The following PBRM1 variants were observed in gnomAD, a reference collection of about 807,000 sequenced individuals.
PBRM1 encodes protein polybromo-1.
A neutral mutation model predicts 194.5 loss-of-function variants in PBRM1; 27 were observed. That is an observed-to-expected ratio of 0.14 (90% CI 0.10 to 0.19). The LOEUF (loss-of-function observed/expected upper bound fraction) is 0.19. Among genes scored for constraint, PBRM1 ranks in the 10% least tolerant of loss-of-function variants. The pLI is 1.00. For synonymous variants in PBRM1, 655 were observed against 693.2 expected, an observed-to-expected ratio of 0.94 and a Z score of 0.87; for missense variants, 1,466 against 2,077.2, an observed-to-expected ratio of 0.71 and a Z score of 5.72.
chr3:52,680,550 A>C (rs2097186422), upstream of PBRM1, among the ~76,000 whole-genome samples: 1 of 152,250 alleles, frequency 6.6e-6, no homozygotes, highest in African/African-American at 2.4e-5. Context: ...CCACTGAATG[A>C]TCTGCTACAG....
At chr3:52,615,512 A>G (rs181594445) in intron 14 of PBRM1, 56 bp from the exon 17 acceptor site, 1 of 1,062,978 alleles carries the variant, frequency 9.4e-7, no homozygotes, top group Non-Finnish European at 1.5e-6. Flanking sequence ...TTAAGGTATA[A>G]AATGCATCCA....
At chr3:52,637,432 G>A (rs1288199162) in intron 10 of PBRM1, among the ~76,000 whole-genome samples, 2 of 152,054 alleles carry the variant, frequency 1.3e-5, no homozygotes, top group East Asian at 1.9e-4. Flanking sequence ...AGGCGTTTGA[G>A]ACCAGTATGG....
At chr3:52,604,016 C>T (rs1020656882) in intron 16 of PBRM1, among the ~76,000 whole-genome samples, 7 of 152,172 alleles carry the variant, frequency 4.6e-5, no homozygotes, top group African/African-American at 7.2e-5. Flanking sequence ...ATATGGCACA[C>T]GCATCAATCG....
chr3:52,670,893 T>C (rs2096932646), intron 2 of PBRM1, among the ~76,000 whole-genome samples: 1 of 152,186 alleles, frequency 6.6e-6, no homozygotes, highest in African/African-American at 2.4e-5. Context: ...AACAAAACCT[T>C]AAAGACCATA....
chr3:52,620,932 G>A (rs1290759925), intron 13 of PBRM1, among the ~76,000 whole-genome samples: 1 of 152,096 alleles, frequency 6.6e-6, no homozygotes, highest in Non-Finnish European at 1.5e-5. Context: ...TCCTTACAGT[G>A]CCTTAGAGAC....
At chr3:52,610,754 C>A (rs1454122764) in intron 15 of PBRM1, among the ~76,000 whole-genome samples, 1 of 152,184 alleles carries the variant, frequency 6.6e-6, no homozygotes, top group African/African-American at 2.4e-5. Context: ...ACCTGGCCAA[C>A]ATGGCGAAAC....
At chr3:52,644,214 T>C (rs2096219170) in intron 8 of PBRM1, among the ~76,000 whole-genome samples, 1 of 152,070 alleles carries the variant, frequency 6.6e-6, no homozygotes, top group African/African-American at 2.4e-5. Flanking sequence ...TTAAAAAATG[T>C]TTCTAGTTAA....
rs150107375 is a variant in PBRM1 at position 52,603,633 on chromosome 3, C to T, written c.2667G>A (p.Pro889=). Residue 889 remains proline, a synonymous_variant, in exon 17 of 30, where the codon CCG becomes CCA. Transcript: ENST00000296302. ...AATGTTTTGTGGTATAGCTGAGTGCCGGTGAAAGAAGAATCTCTCCATTTT... is the reference window on the plus strand; with the variant it reads ...AATGTTTTGTGGTATAGCTGAGTGCTGGTGAAAGAAGAATCTCTCCATTTT... The T allele has an allele frequency of 3.4e-5, 55 of 1,613,502 alleles. No homozygotes were observed. The African/African-American group carries it at 4.4e-4, about 13-fold the overall frequency.
At chr3:52,552,258 C>T (rs946150877) in intron 27 of PBRM1, among the ~76,000 whole-genome samples, 58 of 152,276 alleles carry the variant, frequency 3.8e-4, no homozygotes, top group African/African-American at 1.3e-3. Context: ...TAAATCATTG[C>T]TTTGCAGGGC....
intron 5 of PBRM1, among the ~76,000 whole-genome samples, chr3:52,653,480 T>C (rs961590869): frequency 2.6e-5 from 4 of 151,646 alleles, no homozygotes; most frequent in Non-Finnish European, 5.9e-5. Context: ...TCCCAGCTAC[T>C]TGGGAGGCTG....
chr3:52,648,152 C>T (rs2096381396), intron 7 of PBRM1, among the ~76,000 whole-genome samples, 192 bp downstream of exon 8: 1 of 152,150 alleles, frequency 6.6e-6, no homozygotes, highest in African/African-American at 2.4e-5. Flanking sequence ...CGTGATCCAC[C>T]CACCTAGGCT....
chr3:52,586,499 C>G (rs755075248), exon 20 of PBRM1: 2 of 1,614,006 alleles, frequency 1.2e-6, no homozygotes, highest in East Asian at 4.5e-5. Context: ...TCACCTTTAT[C>G]TGCATTTGCA....
intron 25 of PBRM1, 62 bp downstream of exon 27, chr3:52,561,705 G>A (rs2083578406): frequency 7.3e-7 from 1 of 1,372,958 alleles, no homozygotes; most frequent in Non-Finnish European, 1.0e-6. Flanking sequence ...ACCTGTCTGT[G>A]CGCGTGCATT....
At chr3:52,663,323 T>TA in intron 3 of PBRM1, among the ~76,000 whole-genome samples, 1 of 152,290 alleles carries the variant, frequency 6.6e-6, no homozygotes, top group East Asian at 1.9e-4. Context: ...GGCTGCACCA[T>TA]TAGTGGGAAC....
intron 25 of PBRM1, among the ~76,000 whole-genome samples, chr3:52,560,888 A>T (rs1475659464): frequency 6.6e-6 from 1 of 152,142 alleles, no homozygotes; most frequent in African/African-American, 2.4e-5. Context: ...AGCCTAAATA[A>T]TTAATGTTTG....
intron 2 of PBRM1, among the ~76,000 whole-genome samples, chr3:52,671,548 T>C (rs1478483204): frequency 6.6e-6 from 1 of 152,254 alleles, no homozygotes; most frequent in Non-Finnish European, 1.5e-5. Context: ...CAGTTATCTT[T>C]TAGTAGTTAC....
At chr3:52,654,788 G>C (rs575617072) in intron 5 of PBRM1, among the ~76,000 whole-genome samples, 2 of 152,072 alleles carry the variant, frequency 1.3e-5, no homozygotes, top group South Asian at 2.1e-4. Context: ...AGTTGACAGA[G>C]AGCGAGAGAG....
chr3:52,586,396 T>C (rs778294510), intron 20 of PBRM1, 29 bp downstream of exon 22: 4 of 1,572,516 alleles, frequency 2.5e-6, no homozygotes, highest in Middle Eastern at 1.7e-4. Flanking sequence ...AGATGTAAAA[T>C]TTTTTCTGTG....
intron 3 of PBRM1, among the ~76,000 whole-genome samples, chr3:52,667,397 T>TA (rs141642277): frequency 1.3e-5 from 2 of 151,542 alleles, no homozygotes; most frequent in South Asian, 2.1e-4. Context: ...CAAAATCAAA[T>TA]AAAAAAAATA....
Sources: gnomAD v4.1 joint callset for allele counts (sites outside exome capture counted in the v4.1 genomes callset) on GRCh38, gnomAD v4.1.1 for gene constraint, MANE v1.5 for transcripts, NCBI Gene and HGNC (gene_info 2026-07-23, HGNC 2026-07-21) for gene names.